KLHL1: variants seen among roughly 807,000 people sequenced by gnomAD.
KLHL1 encodes kelch-like protein 1.
In KLHL1, 47 loss-of-function variants were observed where a neutral mutation model predicts 77.7. The ratio of observed to expected loss-of-function variants is 0.60; its 90% confidence interval spans 0.48 to 0.77. The LOEUF is 0.77. Among genes scored for constraint, KLHL1 ranks in the 30% least tolerant of loss-of-function variants. The probability of loss-of-function intolerance (pLI) is 0.00; values close to 1 mark genes in which losing one functional copy is unlikely to be tolerated. For synonymous variants in KLHL1, 360 were observed against 325.2 expected (o/e 1.11, Z -1.15); for missense variants, 925 against 910.8 (o/e 1.02, Z -0.20).
At position 69,719,525 on chromosome 13, in the gene KLHL1, T is replaced by C; in HGVS notation, c.1859A>G (p.Tyr620Cys). 2 of 1,613,466 alleles carry C rather than the reference T, an allele frequency of 1.2e-6. No individual in the cohort carries two copies. The highest frequency in any genetic ancestry group is 1.7e-6 in the Non-Finnish European group (2 of 1,179,644). ...GSSCLSSMEY[Y>C]DPHTNKWNMC... is the part of the protein sequence containing the mutation. ...GTTCCACTTATTTGTATGAGGATCA[T>C]AATATTCCATTGAACTCAAACAGGA... Residue 620 changes from tyrosine (Y) to cysteine (C), a missense_variant, in exon 9 of 11, where the codon TAT becomes TGT. By Grantham distance (194) the Tyr-to-Cys change is radical (BLOSUM62 -2). Coordinates refer to ENST00000377844, the MANE Select transcript of KLHL1 (RefSeq NM_020866.3).
At chr13:69,998,906 T>C (rs1885220159) in intron 1 of KLHL1, among the ~76,000 whole-genome samples, 1 of 151,972 alleles carries the variant, frequency 6.6e-6, no homozygotes, top group South Asian at 2.1e-4. Flanking sequence ...GGCTTCTTAG[T>C]GGCTTTAATC....
intron 4 of KLHL1, among the ~76,000 whole-genome samples, chr13:69,930,335 T>A (rs767415034): frequency 2.6e-5 from 4 of 151,880 alleles, no homozygotes; most frequent in African/African-American, 4.8e-5. Flanking sequence ...TAAAATAATA[T>A]TCTGTGCAAA....
chr13:69,974,303 A>G (rs918110565), intron 2 of KLHL1, among the ~76,000 whole-genome samples: 1 of 151,292 alleles, frequency 6.6e-6, no homozygotes, highest in African/African-American at 2.4e-5. Context: ...AATACATATA[A>G]AGGTAATACA....
chr13:69,756,543 A>G (rs1384485104), intron 7 of KLHL1, among the ~76,000 whole-genome samples: 1 of 152,174 alleles, frequency 6.6e-6, no homozygotes, highest in Non-Finnish European at 1.5e-5. Flanking sequence ...TATAAACACC[A>G]AAGTAATAAT....
chr13:69,821,982 G>T (rs193182390), intron 6 of KLHL1, among the ~76,000 whole-genome samples: 1 of 151,978 alleles, frequency 6.6e-6, no homozygotes, highest in Non-Finnish European at 1.5e-5. Flanking sequence ...GGCAAATCAC[G>T]AAGTCAGGAG....
intron 5 of KLHL1, among the ~76,000 whole-genome samples, chr13:69,871,902 C>T (rs73508468): frequency 6.6e-6 from 1 of 151,994 alleles, no homozygotes; most frequent in Non-Finnish European, 1.5e-5. Flanking sequence ...TTTCCCTCAT[C>T]TTGCTTTATT....
At chr13:69,719,758 C>A (rs1872957687) in intron 8 of KLHL1, among the ~76,000 whole-genome samples, 177 bp from the exon 9 acceptor site, 1 of 151,582 alleles carries the variant, frequency 6.6e-6, no homozygotes, top group African/African-American at 2.4e-5. Flanking sequence ...CTAGAAATTT[C>A]TATTTTTGTA....
At chr13:69,718,367 G>A (rs996806997) in intron 9 of KLHL1, among the ~76,000 whole-genome samples, 2 of 151,620 alleles carry the variant, frequency 1.3e-5, no homozygotes, top group African/African-American at 2.4e-5. Context: ...CTACTCTCTG[G>A]CTTTTTCCTT....
At chr13:69,919,297 G>C (rs1167159721) in intron 4 of KLHL1, among the ~76,000 whole-genome samples, 1 of 151,960 alleles carries the variant, frequency 6.6e-6, no homozygotes, top group East Asian at 1.9e-4. Flanking sequence ...TGTTATTAAG[G>C]CTTACTTTTA....
At chr13:69,768,162 A>G (rs1875395615) in intron 7 of KLHL1, among the ~76,000 whole-genome samples, 1 of 152,184 alleles carries the variant, frequency 6.6e-6, no homozygotes, top group African/African-American at 2.4e-5. Context: ...ATATCCATAG[A>G]TCAAGCTTTC....
At chr13:69,784,563 C>T (rs898978585) in intron 7 of KLHL1, among the ~76,000 whole-genome samples, 15 of 151,508 alleles carry the variant, frequency 9.9e-5, no homozygotes, top group East Asian at 3.9e-4. Context: ...GACTTTAAAC[C>T]AACAAAGATC....
At position 69,831,699 on chromosome 13, in the gene KLHL1, G is replaced by C. The variant is rs748493418; in HGVS notation, c.1414+7277C>G. The stretch of plus-strand genomic sequence containing the variant: ...ATACACATATATGCAAAAATCCTCC[G>C]CAAAATACTAGCTAAATAAATCCAA... On this transcript the variant is annotated intron_variant, in intron 6 of 10. Transcript: ENST00000377844. Among the ~76,000 whole-genome samples the C allele has an allele frequency of 6.7e-5, 10 of 149,606 alleles. 1 individual carries two copies. The highest frequency in any genetic ancestry group is 2.5e-4 in the African/African-American group (10 of 39,890).
chr13:70,061,987 G>A (rs1283756988), intron 1 of KLHL1, among the ~76,000 whole-genome samples: 3 of 152,022 alleles, frequency 2.0e-5, no homozygotes, highest in Non-Finnish European at 4.4e-5. Context: ...GACAATGTAC[G>A]ATAAAGTAAA....
chr13:70,006,579 G>A (rs1266504967), intron 1 of KLHL1, among the ~76,000 whole-genome samples: 1 of 149,380 alleles, frequency 6.7e-6, no homozygotes, highest in East Asian at 2.0e-4. Flanking sequence ...CTCCACCAGT[G>A]AAGCCATTTG....
chr13:70,039,898 C>T (rs1040298067), intron 1 of KLHL1, among the ~76,000 whole-genome samples: 1 of 151,848 alleles, frequency 6.6e-6, no homozygotes, highest in Non-Finnish European at 1.5e-5. Flanking sequence ...GCCTGGGCCT[C>T]CCAAACTGCT....
intron 1 of KLHL1, among the ~76,000 whole-genome samples, chr13:70,075,790 T>C (rs1046952418): frequency 6.8e-6 from 1 of 147,564 alleles, no homozygotes; most frequent in Non-Finnish European, 1.5e-5. Context: ...TATGTATATA[T>C]ATATGTTGCA....
intron 1 of KLHL1, among the ~76,000 whole-genome samples, chr13:70,087,200 A>C (rs1887564595): frequency 6.6e-6 from 1 of 152,202 alleles, no homozygotes; most frequent in African/African-American, 2.4e-5. Flanking sequence ...GTCAGGTTTC[A>C]GGATGATGCC....
intron 8 of KLHL1, among the ~76,000 whole-genome samples, chr13:69,722,853 A>T (rs1873129665): frequency 6.6e-6 from 1 of 152,090 alleles, no homozygotes; most frequent in Non-Finnish European, 1.5e-5. Context: ...AGTATATAAG[A>T]GAAACAGCTG....
At chr13:70,050,164 TTCAC>T (rs1005167810) in intron 1 of KLHL1, among the ~76,000 whole-genome samples, 4 of 152,040 alleles carry the variant, frequency 2.6e-5, no homozygotes, top group East Asian at 1.9e-4. Context: ...AGTAATTTAA[TTCAC>T]TCAAAGTTTA....
Sources: gnomAD v4.1 joint callset for allele counts (sites outside exome capture counted in the v4.1 genomes callset) on GRCh38, gnomAD v4.1.1 for gene constraint, MANE v1.5 for transcripts, NCBI Gene and HGNC (gene_info 2026-07-23, HGNC 2026-07-21) for gene names.